The following CCSER1 variants were observed in gnomAD, a reference collection of about 807,000 sequenced individuals.
CCSER1 encodes serine-rich coiled-coil domain-containing protein 1.
CCSER1 carries 41 observed loss-of-function variants against 82.0 expected under a neutral mutation model. The observed-to-expected ratio is 0.50, with a 90% CI of 0.39 to 0.65. The LOEUF is 0.65. Among genes scored for constraint, CCSER1 ranks in the 30% least tolerant of loss-of-function variants. The pLI is 0.00. For synonymous variants in CCSER1, 414 were observed against 383.9 expected (o/e 1.08, Z -0.92); for missense variants, 1,119 against 1,064.2 (o/e 1.05, Z -0.72).
At chr4:90,919,601 A>C (rs1728080981) in intron 8 of CCSER1, among the ~76,000 whole-genome samples, 1 of 151,956 alleles carries the variant, frequency 6.6e-6, no homozygotes, top group African/African-American at 2.4e-5. Flanking sequence ...AAGTACCCTT[A>C]ATAAATTTAT....
chr4:90,901,479 A>G (rs2150151148), intron 8 of CCSER1, among the ~76,000 whole-genome samples: 1 of 152,034 alleles, frequency 6.6e-6, no homozygotes, highest in Non-Finnish European at 1.5e-5. Flanking sequence ...TTATAGGGCC[A>G]TTCTAGAAAT....
rs376577308 is a variant in CCSER1 at position 91,153,937 on chromosome 4, A to G, written c.2217+67943A>G. ...CGGCCCCTACTGGGAGGTGCCTCCC[A>G]GTTAGGCTACTCATGGGTCAGGGAC... On this transcript the variant is annotated intron_variant, in intron 10 of 10. Coordinates refer to ENST00000509176, the MANE Select transcript of CCSER1 (RefSeq NM_001145065.2). Among the ~76,000 whole-genome samples, 54 of 152,088 alleles carry G rather than the reference A, an allele frequency of 3.6e-4. 1 individual carries two copies. In the Middle Eastern group the frequency reaches 0.01, roughly 29 times the overall value.
intron 7 of CCSER1, among the ~76,000 whole-genome samples, chr4:90,815,504 G>A (rs1758881304): frequency 6.7e-6 from 1 of 148,656 alleles, no homozygotes; most frequent in Non-Finnish European, 1.5e-5. Context: ...AAAAAACTAA[G>A]CAAAAACATA....
chr4:90,147,955 G>A (rs537113484), intron 1 of CCSER1, among the ~76,000 whole-genome samples: 2 of 152,180 alleles, frequency 1.3e-5, no homozygotes, highest in Admixed American at 6.5e-5. Flanking sequence ...ACTTGAGGTC[G>A]GGAGTTTCAG....
In CCSER1 at chr4:90,365,617, A is replaced by G. The variant is rs536910046; in HGVS notation, c.1510-34419A>G. The stretch of plus-strand genomic sequence containing the variant: ...TTAATAGGTAAACACTGGATATGCA[A>G]AGGGTTATTGGACAAGACAATCCTT... On this transcript the variant is annotated intron_variant, in intron 3 of 10. Transcript: ENST00000509176. 2.1e-3 allele frequency among the ~76,000 whole-genome samples: 325 copies of G among 151,914 alleles called. 1 individual carries two copies. Among genetic ancestry groups the G allele is most frequent in the African/African-American group, 7.2e-3 (298 of 41,544 alleles).
At chr4:91,085,268 A>T (rs536331964) in intron 9 of CCSER1, among the ~76,000 whole-genome samples, 1 of 152,256 alleles carries the variant, frequency 6.6e-6, no homozygotes, top group South Asian at 2.1e-4. Context: ...GAACATTTTT[A>T]AATTTGTGTT....
intron 10 of CCSER1, among the ~76,000 whole-genome samples, chr4:91,208,139 A>G (rs1736499755): frequency 6.6e-6 from 1 of 151,928 alleles, no homozygotes; most frequent in South Asian, 2.1e-4. Context: ...GACCTTGGTC[A>G]GATATAGAGT....
chr4:90,327,290 T>G (rs1480284131), intron 3 of CCSER1, among the ~76,000 whole-genome samples: 1 of 152,140 alleles, frequency 6.6e-6, no homozygotes, highest in Non-Finnish European at 1.5e-5. Context: ...TTTCCTTTGA[T>G]CTTAGGGAAA....
intron 1 of CCSER1, among the ~76,000 whole-genome samples, chr4:90,182,029 G>A (rs929715627): frequency 3.9e-5 from 6 of 152,266 alleles, no homozygotes; most frequent in African/African-American, 1.4e-4. Flanking sequence ...TGTGGGCACA[G>A]TTAATTTGTG....
intron 10 of CCSER1, among the ~76,000 whole-genome samples, chr4:91,416,599 G>A (rs1753377733): frequency 6.6e-6 from 1 of 152,110 alleles, no homozygotes; most frequent in Non-Finnish European, 1.5e-5. Context: ...AACAAGCAAT[G>A]GGGAAAGGAT....
At chr4:90,984,710 G>T (rs1468022807) in intron 9 of CCSER1, among the ~76,000 whole-genome samples, 1 of 151,764 alleles carries the variant, frequency 6.6e-6, no homozygotes, top group Non-Finnish European at 1.5e-5. Flanking sequence ...TTATTAAAGA[G>T]TGTGGAAATG....
chr4:91,081,862 T>C (rs1000794411), intron 9 of CCSER1, among the ~76,000 whole-genome samples: 13 of 152,128 alleles, frequency 8.5e-5, no homozygotes, highest in African/African-American at 3.1e-4. Context: ...ACAAGGGACG[T>C]GAAGAACCTC....
chr4:90,580,782 C>T (rs115856833), intron 5 of CCSER1, among the ~76,000 whole-genome samples: 1,881 of 152,246 alleles, frequency 0.012, 36 homozygotes, highest in African/African-American at 0.04. Flanking sequence ...ATTTCTTGTT[C>T]TTCTATGATA....
intron 10 of CCSER1, among the ~76,000 whole-genome samples, chr4:91,438,042 T>C (rs944484076): frequency 2.0e-5 from 3 of 152,164 alleles, no homozygotes; most frequent in Non-Finnish European, 2.9e-5. Context: ...AGGCTCCACC[T>C]CTGGGGGCAG....
At chr4:91,081,369 A>T (rs531079588) in intron 9 of CCSER1, among the ~76,000 whole-genome samples, 13 of 152,336 alleles carry the variant, frequency 8.5e-5, no homozygotes, top group African/African-American at 2.6e-4. Flanking sequence ...ACAGCCCTTC[A>T]TGCAAAAAAC....
At chr4:90,309,976 T>A (rs1361804889) in intron 2 of CCSER1, among the ~76,000 whole-genome samples, 2 of 152,130 alleles carry the variant, frequency 1.3e-5, no homozygotes, top group Admixed American at 6.6e-5. Flanking sequence ...GAGTTTATTA[T>A]AGAGGCATTG....
At chr4:90,625,831 AT>A (rs2148901303) in intron 5 of CCSER1, among the ~76,000 whole-genome samples, 1 of 152,320 alleles carries the variant, frequency 6.6e-6, no homozygotes, top group Admixed American at 6.5e-5. Flanking sequence ...TTCAAAATGC[AT>A]TTCTGTACAT....
At chr4:90,134,203 C>A (rs1723276714) in intron 1 of CCSER1, among the ~76,000 whole-genome samples, 1 of 152,036 alleles carries the variant, frequency 6.6e-6, no homozygotes, top group African/African-American at 2.4e-5. Flanking sequence ...CTATATAGAC[C>A]AAACTTTGAT....
chr4:90,404,631 A>G (rs1428881418), intron 4 of CCSER1, among the ~76,000 whole-genome samples: 1 of 152,104 alleles, frequency 6.6e-6, no homozygotes, highest in East Asian at 1.9e-4. Context: ...TGCTACCTCC[A>G]CCAGAGCAGG....
Sources: allele counts gnomAD v4.1 joint callset (sites outside exome capture counted in the v4.1 genomes callset), GRCh38; gene constraint gnomAD v4.1.1; transcripts MANE v1.5; gene names NCBI Gene and HGNC (gene_info 2026-07-23, HGNC 2026-07-21).